The following ABTB3 variants were observed in gnomAD, a reference collection of about 807,000 sequenced individuals.
ABTB3 encodes ankyrin repeat- and BTB/POZ domain-containing protein 3.
At chr12:107,600,052 G>A in the ABTB3 span, among the ~76,000 whole-genome samples, 1 of 152,194 alleles carries the variant, frequency 6.6e-6, no homozygotes, top group Non-Finnish European at 1.5e-5. Context: ...GGTTGAAATT[G>A]AAGTCTAAGG....
At chr12:107,389,907 C>T in the ABTB3 span, among the ~76,000 whole-genome samples, 1 of 151,132 alleles carries the variant, frequency 6.6e-6, no homozygotes, top group African/African-American at 2.4e-5. Flanking sequence ...TTCTCCTTCC[C>T]TGACAGAAAA....
chr12:107,618,272 G>C, the ABTB3 span: 2 of 1,613,682 alleles, frequency 1.2e-6, no homozygotes, highest in Admixed American at 3.3e-5. Context: ...CGCCCCCCTT[G>C]TGCGCCAGCC....
At chr12:107,501,844 T>C in the ABTB3 span, among the ~76,000 whole-genome samples, 2 of 152,162 alleles carry the variant, frequency 1.3e-5, no homozygotes, top group Admixed American at 1.3e-4. Flanking sequence ...CATTTGGTTT[T>C]GTCTTGTGGT....
chr12:107,404,636 G>T, the ABTB3 span, among the ~76,000 whole-genome samples: 1 of 152,176 alleles, frequency 6.6e-6, no homozygotes, highest in African/African-American at 2.4e-5. Context: ...ACTTCCTCTG[G>T]CTTCCAGGAG....
the ABTB3 span, among the ~76,000 whole-genome samples, chr12:107,428,337 C>A: frequency 6.6e-6 from 1 of 152,170 alleles, no homozygotes; most frequent in African/African-American, 2.4e-5. Context: ...CCAGCATGTC[C>A]TTGGCCATCC....
the ABTB3 span, among the ~76,000 whole-genome samples, chr12:107,457,984 G>A: frequency 6.6e-6 from 1 of 152,126 alleles, no homozygotes; most frequent in Non-Finnish European, 1.5e-5. Context: ...TGTAAAATAG[G>A]AATAATAACA....
chr12:107,472,224 A>T, the ABTB3 span, among the ~76,000 whole-genome samples: 50 of 152,322 alleles, frequency 3.3e-4, no homozygotes, highest in East Asian at 8.9e-3. Context: ...AGTGATGAAG[A>T]GCTTGGAGCA....
chr12:107,523,001 G>C, the ABTB3 span, among the ~76,000 whole-genome samples: 1 of 152,232 alleles, frequency 6.6e-6, no homozygotes, highest in South Asian at 2.1e-4. Context: ...TGATCCAATT[G>C]ATTATCAATT....
chr12:107,618,125 G>C, the ABTB3 span: 1 of 1,598,796 alleles, frequency 6.3e-7, no homozygotes, highest in Non-Finnish European at 8.6e-7. Context: ...TTCCATCTCT[G>C]AGTGTCATCC....
the ABTB3 span, among the ~76,000 whole-genome samples, chr12:107,491,496 C>A: frequency 1.3e-5 from 2 of 152,144 alleles, no homozygotes; most frequent in African/African-American, 4.8e-5. Context: ...AGAAAGCAGT[C>A]CAGTGTGAAG....
the ABTB3 span, among the ~76,000 whole-genome samples, chr12:107,421,324 G>A: frequency 6.6e-6 from 1 of 152,260 alleles, no homozygotes; most frequent in South Asian, 2.1e-4. Context: ...TAGACAGAAG[G>A]GATTTCCTTT....
chr12:107,337,774 TG>T, the ABTB3 span, among the ~76,000 whole-genome samples: 1 of 152,210 alleles, frequency 6.6e-6, no homozygotes, highest in East Asian at 1.9e-4. Flanking sequence ...TGTGTCTAGA[TG>T]TTGTTAAGGC....
At chr12:107,562,755 C>T in the ABTB3 span, among the ~76,000 whole-genome samples, 1 of 152,260 alleles carries the variant, frequency 6.6e-6, no homozygotes, top group Non-Finnish European at 1.5e-5. Context: ...TAAGTCTGCT[C>T]TCCTTGCCTA....
chr12:107,535,255 A>G, the ABTB3 span, among the ~76,000 whole-genome samples: 2 of 152,120 alleles, frequency 1.3e-5, no homozygotes, highest in African/African-American at 4.8e-5. Context: ...ACTCTCAACA[A>G]ATTAGGCATA....
the ABTB3 span, among the ~76,000 whole-genome samples, chr12:107,402,832 G>A: frequency 6.6e-6 from 1 of 152,182 alleles, no homozygotes; most frequent in South Asian, 2.1e-4. Context: ...TAGATTTGCA[G>A]CTCTATGACT....
chr12:107,494,180 A>G, the ABTB3 span, among the ~76,000 whole-genome samples: 1 of 152,182 alleles, frequency 6.6e-6, no homozygotes, highest in East Asian at 1.9e-4. Flanking sequence ...AGAGTGAAGA[A>G]TTCATATGAG....
chr12:107,574,223 G>C, the ABTB3 span, among the ~76,000 whole-genome samples: 4 of 152,140 alleles, frequency 2.6e-5, no homozygotes, highest in African/African-American at 7.2e-5. Context: ...CATGAACCAG[G>C]CTCGGCCAAT....
chr12:107,362,021 T>C, the ABTB3 span, among the ~76,000 whole-genome samples: 4 of 152,164 alleles, frequency 2.6e-5, no homozygotes, highest in African/African-American at 9.7e-5. Context: ...TCATTAGACA[T>C]TGAATCTGCT....
the ABTB3 span, chr12:107,318,934 C>A: frequency 6.3e-7 from 1 of 1,586,794 alleles, no homozygotes; most frequent in Non-Finnish European, 8.6e-7. Flanking sequence ...CATGAAGTGG[C>A]GCAGCGATGG....
Sources: allele counts gnomAD v4.1 joint callset (sites outside exome capture counted in the v4.1 genomes callset), GRCh38; gene constraint gnomAD v4.1.1; transcripts MANE v1.5; gene names NCBI Gene and HGNC (gene_info 2026-07-23, HGNC 2026-07-21).